The following KLHDC1 variants were observed in gnomAD, a reference collection of about 807,000 sequenced individuals.
KLHDC1 encodes the protein kelch domain-containing protein 1.
KLHDC1 carries 53 observed loss-of-function variants against 68.3 expected under a neutral mutation model. That is an observed-to-expected ratio of 0.78 (90% CI 0.62 to 0.98). The LOEUF is 0.98. Among genes scored for constraint, KLHDC1 ranks in the 50% least tolerant of loss-of-function variants. KLHDC1 has a pLI of 0.00. For synonymous variants in KLHDC1, 148 were observed against 159.0 expected (o/e 0.93, Z 0.52); for missense variants, 470 against 492.3 (o/e 0.95, Z 0.43).
chr14:49,740,510 TG>T (rs1889038367), intron 11 of KLHDC1, among the ~76,000 whole-genome samples: 1 of 152,120 alleles, frequency 6.6e-6, no homozygotes, highest in African/African-American at 2.4e-5. Context: ...GCTAATTTTT[TG>T]TATTTTTAGT....
intron 6 of KLHDC1, 76 bp from the exon 7 acceptor site, chr14:49,728,850 A>G: frequency 9.6e-7 from 1 of 1,037,902 alleles, no homozygotes; most frequent in Non-Finnish European, 1.5e-6. Flanking sequence ...TAAGACTTTC[A>G]CATACTGAGC....
In KLHDC1 at chr14:49,693,200, G is replaced by C; in HGVS notation, c.6G>C (p.Ala2=). The change falls in exon 1 of 13, where the codon GCG becomes GCC. Residue 2 remains alanine (A), a synonymous_variant. Coordinates refer to ENST00000359332, the MANE Select transcript of KLHDC1 (RefSeq NM_172193.3). M[A]DSQLFCVAEE... ...GCGGGCCAGCGACGGCGCGAATGGC[G>C]GACTCTCAGCTGTTCTGTGTGGCGG... 1.9e-6 allele frequency: 3 copies of C among 1,583,990 alleles called. No individual in the cohort carries two copies. The highest frequency in any genetic ancestry group is 2.6e-6 in the Non-Finnish European group (3 of 1,166,848).
At chr14:49,709,061 T>C in intron 1 of KLHDC1, 98 bp from the exon 2 acceptor site, 1 of 598,972 alleles carries the variant, frequency 1.7e-6, no homozygotes, top group South Asian at 2.1e-5. Context: ...CTTTTGTGTT[T>C]TATAGTATTT....
intron 1 of KLHDC1, among the ~76,000 whole-genome samples, chr14:49,695,115 G>GGTGTGTGTGTGT (rs753979963): frequency 6.1e-4 from 14 of 22,926 alleles, no homozygotes; most frequent in African/African-American, 8.8e-4. Context: ...ATGCAGTTTT[G>GGTGTGTGTGTGT]ATGTGTGTGT....
At chr14:49,750,681 AAC>A (rs1160733501) in intron 12 of KLHDC1, among the ~76,000 whole-genome samples, 1 of 152,158 alleles carries the variant, frequency 6.6e-6, no homozygotes, top group African/African-American at 2.4e-5. Context: ...TATTAATTGA[AAC>A]AGATGCTTTT....
At chr14:49,741,338 C>A (rs894864804) in intron 11 of KLHDC1, among the ~76,000 whole-genome samples, 1 of 149,296 alleles carries the variant, frequency 6.7e-6, no homozygotes, top group African/African-American at 2.5e-5. Flanking sequence ...GACAGGATTT[C>A]GCTGTTACCC....
intron 2 of KLHDC1, among the ~76,000 whole-genome samples, chr14:49,709,462 T>C (rs75250147): frequency 0.021 from 3,217 of 152,270 alleles, 51 homozygotes; most frequent in South Asian, 0.034. Context: ...TCTGAAGATT[T>C]TGTTTTATTC....
intron 4 of KLHDC1, among the ~76,000 whole-genome samples, chr14:49,719,478 A>G (rs1261013373): frequency 6.6e-6 from 1 of 150,950 alleles, no homozygotes; most frequent in African/African-American, 2.4e-5. Context: ...GTCCAGGCTG[A>G]AGTGCAGTGA....
At chr14:49,747,227 G>C (rs1157095113) in intron 12 of KLHDC1, among the ~76,000 whole-genome samples, 2 of 152,286 alleles carry the variant, frequency 1.3e-5, no homozygotes, top group Middle Eastern at 3.4e-3. Context: ...GATTACAGGC[G>C]TGAGCCACCA....
At chr14:49,740,267 C>A in intron 11 of KLHDC1, 85 bp downstream of exon 11, 2 of 732,936 alleles carry the variant, frequency 2.7e-6, no homozygotes, top group Non-Finnish European at 2.3e-6. Flanking sequence ...TGTTGATATT[C>A]TAACATTGCA....
chr14:49,729,562 C>CT lies in KLHDC1; in HGVS notation c.710+15dup. On this transcript the variant is annotated intron_variant, in intron 8 of 12. Coordinates refer to ENST00000359332, the MANE Select transcript of KLHDC1 (RefSeq NM_172193.3). ...TTGGTCTGGAAGGTAAGTTTGAAGT[C>CT]TAAGTACGTTTTAATCTATAGGCAT... The CT allele has an allele frequency of 6.4e-7, 1 of 1,564,152 alleles. No homozygotes were observed.
chr14:49,713,523 C>T (rs999963536), intron 4 of KLHDC1, among the ~76,000 whole-genome samples: 3 of 151,874 alleles, frequency 2.0e-5, no homozygotes, highest in African/African-American at 7.3e-5. Context: ...TCAATTGAGT[C>T]ATTTCTCTAG....
At position 49,693,770 on chromosome 14, in the gene KLHDC1, G is replaced by A. The variant is rs1191216897; in HGVS notation, c.96+480G>A. ...TTTCTTTTTTTTTTTTTTTTGAGAT[G>A]GAGTTTCGCTCTTGTTGCCCAGGGC... is the stretch of plus-strand genomic sequence containing the variant. On this transcript the variant is annotated intron_variant, in intron 1 of 12. Coordinates refer to ENST00000359332, the MANE Select transcript of KLHDC1 (RefSeq NM_172193.3). Among the ~76,000 whole-genome samples, 3 of 16,654 alleles carry A rather than the reference G, an allele frequency of 1.8e-4. 1 individual carries two copies. The highest frequency in any genetic ancestry group is 1.0e-3 in the Admixed American group (2 of 2,002). 10.9% of individuals were successfully genotyped at this position (16,654 alleles called of 152,430 possible).
At chr14:49,699,509 A>G (rs1371225413) in intron 1 of KLHDC1, among the ~76,000 whole-genome samples, 1 of 152,124 alleles carries the variant, frequency 6.6e-6, no homozygotes, top group Non-Finnish European at 1.5e-5. Context: ...TCTAAACAAG[A>G]TAGTTAAAAG....
At chr14:49,723,747 G>A (rs1888596676) in intron 4 of KLHDC1, 127 bp from the exon 5 acceptor site, 1 of 590,956 alleles carries the variant, frequency 1.7e-6, no homozygotes, top group East Asian at 2.9e-5. Context: ...TGTTCCCTCA[G>A]CTCTTTATTC....
Position 49,693,748 on chromosome 14 carries a change from C to CTTTTTTTTTTTTT in KLHDC1, c.96+462_96+474dup, listed in dbSNP as rs1231129663. Among the ~76,000 whole-genome samples, 150 of 61,540 alleles carry CTTTTTTTTTTTTT rather than the reference C, an allele frequency of 2.4e-3. 40 individuals are homozygous for CTTTTTTTTTTTTT. The highest frequency in any genetic ancestry group is 0.022 in the Middle Eastern group (2 of 92). 40.4% of individuals were successfully genotyped at this position (61,540 alleles called of 152,430 possible). A position where few individuals can be genotyped will look rare whatever the true frequency, so the allele number is the denominator to read the frequency against. ...TAAATATTTATTTTCTTTTCTTTTT[C>CTTTTTTTTTTTTT]TTTTTTTTTTTTTTTTGAGATGGAG... On this transcript the variant is annotated intron_variant, in intron 1 of 12. Coordinates refer to ENST00000359332, the MANE Select transcript of KLHDC1 (RefSeq NM_172193.3).
chr14:49,729,084 A>C (rs1022287494), intron 7 of KLHDC1, 75 bp downstream of exon 7: 7 of 962,270 alleles, frequency 7.3e-6, no homozygotes, highest in Admixed American at 5.8e-5. Context: ...ATTTCGTGGA[A>C]TAATTGAACA....
chr14:49,731,775 G>C (rs959341043), intron 8 of KLHDC1, among the ~76,000 whole-genome samples: 1 of 152,142 alleles, frequency 6.6e-6, no homozygotes, highest in Non-Finnish European at 1.5e-5. Flanking sequence ...CAACTCCTGG[G>C]CTTGAGCAAT....
intron 10 of KLHDC1, among the ~76,000 whole-genome samples, chr14:49,739,817 G>A (rs1200637339): frequency 1.6e-4 from 24 of 152,148 alleles, no homozygotes; most frequent in African/African-American, 4.8e-4. Flanking sequence ...TTAGGAGACC[G>A]AGGCAGGAGG....
Sources: gnomAD v4.1 joint callset for allele counts (sites outside exome capture counted in the v4.1 genomes callset) on GRCh38, gnomAD v4.1.1 for gene constraint, MANE v1.5 for transcripts, NCBI Gene and HGNC (gene_info 2026-07-23, HGNC 2026-07-21) for gene names.